RIMBP2: variants seen among roughly 807,000 people sequenced by gnomAD.
RIMBP2 encodes the protein RIMS binding protein 2.
In RIMBP2, 48 loss-of-function variants were observed where a neutral mutation model predicts 118.6. The ratio of observed to expected loss-of-function variants is 0.40; its 90% CI spans 0.32 to 0.51. RIMBP2 has a LOEUF of 0.51. RIMBP2 is among the 20% of genes least tolerant of loss of function. The pLI, the probability that RIMBP2 is intolerant of heterozygous loss-of-function variation, is 0.41. For missense variants in RIMBP2, 1,551 were observed against 1,768.3 expected (o/e 0.88, Z 2.20); for synonymous variants, 762 against 742.9 (o/e 1.03, Z -0.42).
intron 21 of RIMBP2, among the ~76,000 whole-genome samples, chr12:130,401,054 ATTGT>A (rs1459934805): frequency 1.4e-4 from 22 of 152,318 alleles, no homozygotes; most frequent in African/African-American, 4.1e-4. Context: ...GATGGTGGTG[ATTGT>A]TTGCACAATG....
chr12:130,687,796 T>C (rs6486570), intron 1 of RIMBP2, among the ~76,000 whole-genome samples: 45,854 of 152,076 alleles, frequency 0.3, 8,087 homozygotes, highest in African/African-American at 0.47. Context: ...AGTATAATAA[T>C]GGCTTATTTT....
Position 130,447,748 on chromosome 12 carries a change from G to C in RIMBP2, c.581+2452C>G, listed in dbSNP as rs565748728. 1.3e-5 allele frequency among the ~76,000 whole-genome samples: 2 copies of C among 152,198 alleles called. No homozygotes were observed. Among genetic ancestry groups the C allele is most frequent in the African/African-American group, 4.8e-5 (2 of 41,448 alleles). ...CAGCCTCACCCTGGACCTCGGGTGG[G>C]AAGGACCCAGGAGCCCTCAGCAAGG... On this transcript the variant is annotated intron_variant, in intron 9 of 22. Transcript: ENST00000690449. This position sits in a 1 kb window ranked among gnomAD's most constrained non-coding sequence, Gnocchi z 4.4.
intron 1 of RIMBP2, among the ~76,000 whole-genome samples, chr12:130,652,127 C>T (rs2063254822): frequency 1.3e-5 from 2 of 152,134 alleles, no homozygotes; most frequent in African/African-American, 4.8e-5. Flanking sequence ...GGATCTGAAG[C>T]TATGTATTTT....
At chr12:130,412,823 A>C in intron 18 of RIMBP2, 36 bp from the exon 19 acceptor site, 1 of 1,578,586 alleles carries the variant, frequency 6.3e-7, no homozygotes, top group Non-Finnish European at 8.6e-7. Context: ...AAGCACTGTA[A>C]TTGATTGGTT....
intron 1 of RIMBP2, among the ~76,000 whole-genome samples, chr12:130,696,750 T>C (rs2065593271): frequency 6.6e-6 from 1 of 152,210 alleles, no homozygotes; most frequent in African/African-American, 2.4e-5. Context: ...AGGAAATAAG[T>C]GTGCTATTCT....
rs775173017 is a variant in RIMBP2, at chr12:130,451,176, C to T, written c.504+19G>A. 2.3e-5 allele frequency: 37 copies of T among 1,610,460 alleles called. No individual in the cohort carries two copies. The South Asian group carries it at 3.9e-4, about 17-fold the overall frequency. ...CACAGCACAGGCAGCCCCGGCAGCC[C>T]CTGCGGGACGGGACTCACGTCTGAC... On this transcript the variant is annotated intron_variant, in intron 8 of 22. Transcript: ENST00000690449.
intron 4 of RIMBP2, among the ~76,000 whole-genome samples, chr12:130,489,702 A>G (rs12321973): frequency 0.05 from 7,600 of 151,584 alleles, 438 homozygotes; most frequent in East Asian, 0.16. Flanking sequence ...TAGTTCTTCC[A>G]CCCTGTGTGT....
At chr12:130,496,336 CCAT>C (rs2049153790) in intron 4 of RIMBP2, among the ~76,000 whole-genome samples, 1 of 152,192 alleles carries the variant, frequency 6.6e-6, no homozygotes, top group East Asian at 1.9e-4. Context: ...TCACCTACCA[CCAT>C]GATTGTGAGG....
In RIMBP2 at chr12:130,621,976, G is replaced by A. The variant is rs929665518; in HGVS notation, c.-217+6346C>T. ...TCAGTATCAACAGAGCCCATTCCAC[G>A]TCGACTTGTCTACTTTAAAAAATAA... is the stretch of plus-strand genomic sequence containing the variant. On this transcript the variant is annotated intron_variant, in intron 2 of 22. Transcript: ENST00000690449. This position sits in a 1 kb window ranked among gnomAD's most constrained non-coding sequence, Gnocchi z 6.6. Among the ~76,000 whole-genome samples the A allele has an allele frequency of 1.3e-5, 2 of 152,142 alleles. No homozygotes were observed. Among genetic ancestry groups the A allele is most frequent in the South Asian group, 2.1e-4 (1 of 4,826 alleles).
At chr12:130,484,670 A>ACC (rs1332570870) in intron 4 of RIMBP2, among the ~76,000 whole-genome samples, 2 of 150,618 alleles carry the variant, frequency 1.3e-5, no homozygotes, top group Non-Finnish European at 3.0e-5. Context: ...TGTCCCCACC[A>ACC]CCCCCTTCTC....
chr12:130,609,117 A>G (rs189924485), intron 2 of RIMBP2, among the ~76,000 whole-genome samples: 1 of 152,290 alleles, frequency 6.6e-6, no homozygotes, highest in African/African-American at 2.4e-5. Flanking sequence ...TTCCTCAAAA[A>G]GCAAAAATGG....
At chr12:130,712,551 C>T (rs933869348) in intron 1 of RIMBP2, among the ~76,000 whole-genome samples, 1 of 152,158 alleles carries the variant, frequency 6.6e-6, no homozygotes, top group Non-Finnish European at 1.5e-5. Context: ...CAAGGTGTGC[C>T]GTCGCCTCCC....
chr12:130,402,471 T>C (rs1335674688), intron 21 of RIMBP2, among the ~76,000 whole-genome samples: 1 of 152,118 alleles, frequency 6.6e-6, no homozygotes, highest in Non-Finnish European at 1.5e-5. Flanking sequence ...GAGGGTTCCA[T>C]ATAGCATGTT....
chr12:130,511,683 G>A lies in RIMBP2; in HGVS notation c.-126-4913C>T, dbSNP rs1202253841. On this transcript the variant is annotated intron_variant, in intron 3 of 22. Transcript: ENST00000690449. The surrounding 1 kb of genome is among the most constrained non-coding windows in gnomAD (Gnocchi z 4.3). ...ACCAGACTGAGACCGTCTGTGACAC[G>A]GTTCTGATGAGCCTGGAGCAGAAAT... 6.6e-6 allele frequency among the ~76,000 whole-genome samples: 1 copy of A among 152,200 alleles called. No homozygotes were observed. The highest frequency in any genetic ancestry group is 1.5e-5 in the Non-Finnish European group (1 of 68,038).
intron 7 of RIMBP2, among the ~76,000 whole-genome samples, chr12:130,453,537 G>A (rs944394717): frequency 1.8e-4 from 27 of 152,238 alleles, no homozygotes; most frequent in African/African-American, 4.8e-4. Context: ...GTGACAACAC[G>A]ATGCACCTGG....
intron 1 of RIMBP2, among the ~76,000 whole-genome samples, chr12:130,639,614 T>G (rs538985690): frequency 6.6e-6 from 1 of 151,532 alleles, no homozygotes; most frequent in South Asian, 2.1e-4. Context: ...CCATTCCGGG[T>G]CAGTGGATTT....
chr12:130,691,904 G>A (rs373812999), intron 1 of RIMBP2, among the ~76,000 whole-genome samples: 41 of 152,314 alleles, frequency 2.7e-4, no homozygotes, highest in Non-Finnish European at 3.4e-4. Flanking sequence ...TGGTTAGAGC[G>A]GGTCTGGAAC....
Position 130,622,892 on chromosome 12 carries a change from G to A in RIMBP2, c.-217+5430C>T, listed in dbSNP as rs555142399. Among the ~76,000 whole-genome samples the A allele has an allele frequency of 4.7e-4, 72 of 152,302 alleles. No homozygotes were observed. The highest frequency in any genetic ancestry group is 1.0e-3 in the Admixed American group (16 of 15,298). On this transcript the variant is annotated intron_variant, in intron 2 of 22. Transcript: ENST00000690449. The surrounding 1 kb of genome is among the most constrained non-coding windows in gnomAD (Gnocchi z 8.5). Reference sequence around the variant, plus strand: ...CTCTGTTCCCAGAGCTCATGGCATCGAGTAAACAGTTCTTGCCTACTAAGC... The same window carrying A: ...CTCTGTTCCCAGAGCTCATGGCATCAAGTAAACAGTTCTTGCCTACTAAGC...
intron 4 of RIMBP2, among the ~76,000 whole-genome samples, chr12:130,490,490 C>T (rs1164430852): frequency 1.3e-5 from 2 of 152,086 alleles, no homozygotes; most frequent in Non-Finnish European, 1.5e-5. Flanking sequence ...CAGACAATCC[C>T]GGGCTGATAG....
Sources: gnomAD v4.1 joint callset for allele counts (sites outside exome capture counted in the v4.1 genomes callset) on GRCh38, gnomAD v4.1.1 for gene constraint, Gnocchi (gnomAD v3.1) non-coding constraint, MANE v1.5 for transcripts, NCBI Gene and HGNC (gene_info 2026-07-23, HGNC 2026-07-21) for gene names.